AGBL1: variants seen among roughly 807,000 people sequenced by gnomAD.
AGBL1 encodes the protein AGBL carboxypeptidase 1, also known as cytosolic carboxypeptidase 4.
A neutral mutation model predicts 118.9 loss-of-function variants in AGBL1; 130 were observed. That is an observed-to-expected ratio of 1.09 (90% CI 0.95 to 1.26). AGBL1 has a LOEUF of 1.26. Ranked by LOEUF, AGBL1 falls within the 50% of genes most tolerant of loss-of-function variation. AGBL1 has a pLI of 0.00. For synonymous variants in AGBL1, 555 were observed against 478.9 expected (o/e 1.16, Z -2.08); for missense variants, 1,584 against 1,298.1 (o/e 1.22, Z -3.38).
intron 16 of AGBL1, among the ~76,000 whole-genome samples, chr15:86,294,875 A>T (rs2079607426): frequency 6.6e-6 from 1 of 152,216 alleles, no homozygotes; most frequent in African/African-American, 2.4e-5. Context: ...CATTGTAGCC[A>T]TTAACACATT....
chr15:86,262,993 T>C (rs2079017286), intron 10 of AGBL1, 99 bp downstream of exon 10: 1 of 837,976 alleles, frequency 1.2e-6, no homozygotes, highest in Non-Finnish European at 2.0e-6. Context: ...AAAGCATTGC[T>C]CATCATTAGC....
chr15:86,623,065 G>A (rs1003606958), intron 21 of AGBL1, among the ~76,000 whole-genome samples: 1 of 152,320 alleles, frequency 6.6e-6, no homozygotes, highest in South Asian at 2.1e-4. Flanking sequence ...TGCTCCAGCA[G>A]TAATGCAAGC....
At chr15:86,286,067 G>C (rs2079440583) in intron 16 of AGBL1, among the ~76,000 whole-genome samples, 1 of 151,166 alleles carries the variant, frequency 6.6e-6, no homozygotes, top group South Asian at 2.1e-4. Context: ...GACGACTACT[G>C]CTTTTTGTTT....
chr15:86,888,139 C>T (rs189633251), intron 22 of AGBL1, among the ~76,000 whole-genome samples: 1 of 151,926 alleles, frequency 6.6e-6, no homozygotes, highest in Non-Finnish European at 1.5e-5. Flanking sequence ...AAACTTCAGT[C>T]CCTGGGACCA....
intron 18 of AGBL1, among the ~76,000 whole-genome samples, chr15:86,412,731 T>A (rs933232249): frequency 6.6e-6 from 1 of 152,192 alleles, no homozygotes; most frequent in African/African-American, 2.4e-5. Context: ...ATACAAAATT[T>A]AGACACAGTT....
At chr15:86,840,515 G>A (rs562267661) in intron 22 of AGBL1, among the ~76,000 whole-genome samples, 46 of 152,186 alleles carry the variant, frequency 3.0e-4, no homozygotes, top group African/African-American at 9.1e-4. Context: ...GCATGATCTC[G>A]ACTCACTGCA....
At chr15:86,710,279 T>G (rs2086533800) in intron 22 of AGBL1, among the ~76,000 whole-genome samples, 1 of 152,196 alleles carries the variant, frequency 6.6e-6, no homozygotes, top group Non-Finnish European at 1.5e-5. Flanking sequence ...GTTGGGGTGA[T>G]GCACGTGATT....
At chr15:86,175,252 T>G (rs894502893) in intron 5 of AGBL1, among the ~76,000 whole-genome samples, 3 of 152,138 alleles carry the variant, frequency 2.0e-5, no homozygotes, top group African/African-American at 7.2e-5. Flanking sequence ...GTAGATTGTA[T>G]GTATCCAGGG....
intron 22 of AGBL1, among the ~76,000 whole-genome samples, chr15:86,850,058 A>G (rs2079383365): frequency 2.0e-5 from 3 of 152,202 alleles, no homozygotes; most frequent in South Asian, 4.1e-4. Flanking sequence ...GTAGTCACCT[A>G]TGTGCTGGTG....
At chr15:86,350,472 C>A (rs1291646239) in intron 17 of AGBL1, among the ~76,000 whole-genome samples, 2 of 152,214 alleles carry the variant, frequency 1.3e-5, no homozygotes, top group Non-Finnish European at 2.9e-5. Context: ...TGAGCATGTG[C>A]TGGTCGGGTG....
At chr15:86,944,972 A>G (rs1306660057) in intron 23 of AGBL1, among the ~76,000 whole-genome samples, 1 of 152,202 alleles carries the variant, frequency 6.6e-6, no homozygotes, top group Non-Finnish European at 1.5e-5. Context: ...CATCGTGTAT[A>G]TAAGTATTAT....
chr15:86,247,208 C>T (rs2078735204), intron 6 of AGBL1, among the ~76,000 whole-genome samples: 2 of 152,170 alleles, frequency 1.3e-5, no homozygotes, highest in African/African-American at 2.4e-5. Context: ...AAATTGTTTG[C>T]TGGCCCAAGA....
At chr15:86,879,670 G>C (rs182366357) in intron 22 of AGBL1, among the ~76,000 whole-genome samples, 5 of 152,244 alleles carry the variant, frequency 3.3e-5, no homozygotes, top group Admixed American at 2.6e-4. Context: ...CCTTTCCTTT[G>C]GCTTGATGTT....
intron 17 of AGBL1, among the ~76,000 whole-genome samples, chr15:86,396,103 C>T (rs377521055): frequency 6.8e-6 from 1 of 147,424 alleles, no homozygotes; most frequent in South Asian, 2.1e-4. Flanking sequence ...TCTATTGTAT[C>T]TATGTGTGTG....
chr15:86,333,522 A>C (rs1261295443), intron 17 of AGBL1, among the ~76,000 whole-genome samples: 1 of 152,196 alleles, frequency 6.6e-6, no homozygotes, highest in Admixed American at 6.5e-5. Flanking sequence ...AACAAGTTCC[A>C]AAAATTAATC....
chr15:86,917,658 G>A (rs2080440605), downstream of AGBL1, among the ~76,000 whole-genome samples: 1 of 152,156 alleles, frequency 6.6e-6, no homozygotes, highest in Admixed American at 6.5e-5. This position sits in a 1 kb window ranked among gnomAD's most constrained non-coding sequence, Gnocchi z 4.8. Flanking sequence ...CTTTAGTGAG[G>A]CGGTTTCTTG....
chr15:86,536,647 A>G (rs145239637), intron 19 of AGBL1, among the ~76,000 whole-genome samples: 2 of 152,168 alleles, frequency 1.3e-5, no homozygotes, highest in African/African-American at 4.8e-5. Context: ...GCAAGTCAGA[A>G]TTTTCAAAGA....
chr15:86,741,605 T>G (rs2077681257), intron 22 of AGBL1, among the ~76,000 whole-genome samples: 1 of 151,938 alleles, frequency 6.6e-6, no homozygotes, highest in Admixed American at 6.6e-5. Flanking sequence ...TCTTGAAATT[T>G]AGATCAGGAG....
At chr15:86,827,768 GTCCTCT>G (rs1412808354) in intron 22 of AGBL1, among the ~76,000 whole-genome samples, 1 of 147,570 alleles carries the variant, frequency 6.8e-6, no homozygotes, top group Non-Finnish European at 1.5e-5. Flanking sequence ...AGGAGTAGTG[GTCCTCT>G]TCCTTTCTCC....
Sources: gnomAD v4.1 joint callset for allele counts (sites outside exome capture counted in the v4.1 genomes callset) on GRCh38, gnomAD v4.1.1 for gene constraint, Gnocchi (gnomAD v3.1) non-coding constraint, MANE v1.5 for transcripts, NCBI Gene and HGNC (gene_info 2026-07-23, HGNC 2026-07-21) for gene names.